The following ITGB6 variants were observed in gnomAD, a reference collection of about 807,000 sequenced individuals.
ITGB6 encodes the protein integrin subunit beta 6.
Under a neutral mutation model 84.5 loss-of-function variants are expected in ITGB6, and 80 were observed. The ratio of observed to expected loss-of-function variants is 0.95; its 90% CI spans 0.79 to 1.14. ITGB6 has a LOEUF of 1.14. Ranked by LOEUF, ITGB6 falls within the 50% of genes most tolerant of loss-of-function variation. The probability of loss-of-function intolerance (pLI) is 0.00; values close to 1 mark genes in which losing one functional copy is unlikely to be tolerated. For missense variants in ITGB6, 1,006 were observed against 968.0 expected (o/e 1.04, Z -0.52); for synonymous variants, 383 against 354.9 (o/e 1.08, Z -0.89).
At chr2:160,132,241 C>T (rs1367688288) in intron 10 of ITGB6, among the ~76,000 whole-genome samples, 2 of 151,934 alleles carry the variant, frequency 1.3e-5, no homozygotes, top group African/African-American at 2.4e-5. Flanking sequence ...TGGAAACACA[C>T]CTATTAAACC....
At chr2:160,138,991 C>G (rs765735644) in intron 8 of ITGB6, among the ~76,000 whole-genome samples, 6 of 152,058 alleles carry the variant, frequency 3.9e-5, no homozygotes, top group Non-Finnish European at 8.8e-5. Context: ...AGATGGAGCT[C>G]AATTTTAGAG....
rs531058230 is a variant in ITGB6, at chr2:160,143,153, T to C, written c.1018-1082A>G. 5.9e-5 allele frequency among the ~76,000 whole-genome samples: 9 copies of C among 152,120 alleles called. No homozygotes were observed. The East Asian group carries it at 1.7e-3, about 29-fold the overall frequency. The stretch of plus-strand genomic sequence containing the variant: ...AAATACAAAAAGTAGCTTGGTGTGG[T>C]GGCACGCCTGTAGTCCCAGCTACTT... On this transcript the variant is annotated intron_variant, in intron 7 of 14. Coordinates refer to ENST00000283249, the MANE Select transcript of ITGB6 (RefSeq NM_000888.5).
intron 7 of ITGB6, among the ~76,000 whole-genome samples, chr2:160,158,066 G>A (rs1371456890): frequency 1.3e-5 from 2 of 152,174 alleles, no homozygotes. Flanking sequence ...AAAAGAACAT[G>A]TAATTGTTCC....
At chr2:160,140,784 G>A (rs981763078) in intron 8 of ITGB6, among the ~76,000 whole-genome samples, 9 of 152,144 alleles carry the variant, frequency 5.9e-5, no homozygotes, top group Non-Finnish European at 1.2e-4. Flanking sequence ...TAATTTTAAT[G>A]GACACATCTG....
intron 7 of ITGB6, among the ~76,000 whole-genome samples, chr2:160,144,333 G>A (rs1360177766): frequency 2.6e-5 from 4 of 152,192 alleles, no homozygotes; most frequent in African/African-American, 9.7e-5. Flanking sequence ...CCTGATGATG[G>A]AGGACCCCCT....
chr2:160,111,990 C>T (rs1433383981), intron 13 of ITGB6, 90 bp downstream of exon 13: 5 of 1,327,602 alleles, frequency 3.8e-6, no homozygotes. Context: ...AATGTCTTTC[C>T]TGGCATGCTA....
chr2:160,177,305 G>T (rs887803754), intron 4 of ITGB6, among the ~76,000 whole-genome samples: 1 of 151,886 alleles, frequency 6.6e-6, no homozygotes, highest in African/African-American at 2.4e-5. Context: ...TGTGGCTCAC[G>T]CCTGTAATCC....
At chr2:160,117,469 G>A (rs1234912064) in intron 12 of ITGB6, among the ~76,000 whole-genome samples, 5 of 152,262 alleles carry the variant, frequency 3.3e-5, no homozygotes, top group Admixed American at 2.6e-4. Flanking sequence ...AAACCAGCGA[G>A]AACAAAGAAA....
At chr2:160,115,371 C>A (rs185686279) in intron 12 of ITGB6, among the ~76,000 whole-genome samples, 2 of 152,292 alleles carry the variant, frequency 1.3e-5, no homozygotes, top group East Asian at 3.9e-4. Context: ...CACTGTTCTG[C>A]AGCCACCGCT....
At chr2:160,132,768 C>T (rs1431116641) in intron 10 of ITGB6, among the ~76,000 whole-genome samples, 2 of 152,062 alleles carry the variant, frequency 1.3e-5, no homozygotes, top group African/African-American at 4.8e-5. Flanking sequence ...TAGTCATATA[C>T]AATATATCGT....
chr2:160,158,784 C>A (rs1427262915), intron 7 of ITGB6, among the ~76,000 whole-genome samples: 1 of 152,160 alleles, frequency 6.6e-6, no homozygotes, highest in African/African-American at 2.4e-5. Context: ...ACAGCAGCAA[C>A]ATCATCTGGA....
chr2:160,123,406 C>A (rs772944949), intron 12 of ITGB6, among the ~76,000 whole-genome samples: 21 of 152,086 alleles, frequency 1.4e-4, no homozygotes, highest in Non-Finnish European at 2.4e-4. Flanking sequence ...TTTATCTTAT[C>A]TTGAAATAAA....
intron 12 of ITGB6, among the ~76,000 whole-genome samples, chr2:160,117,376 A>ATC (rs1450322667): frequency 9.2e-5 from 14 of 151,872 alleles, no homozygotes; most frequent in Non-Finnish European, 1.8e-4. Context: ...AAAACTGCTC[A>ATC]ACTACATGGA....
chr2:160,147,149 TAAGA>T (rs902196297), intron 7 of ITGB6, among the ~76,000 whole-genome samples: 40 of 133,334 alleles, frequency 3.0e-4, no homozygotes, highest in Admixed American at 2.3e-3. Context: ...AGAAACAAAG[TAAGA>T]AAGAAAGAAA....
intron 7 of ITGB6, among the ~76,000 whole-genome samples, chr2:160,164,696 A>G (rs1295351029): frequency 6.6e-6 from 1 of 152,032 alleles, no homozygotes; most frequent in Non-Finnish European, 1.5e-5. Context: ...ACTCTCTCTC[A>G]AGAAAAAAAA....
At chr2:160,121,527 G>T (rs1008141466) in intron 12 of ITGB6, among the ~76,000 whole-genome samples, 2 of 152,204 alleles carry the variant, frequency 1.3e-5, no homozygotes, top group African/African-American at 4.8e-5. Flanking sequence ...GTGCATGCCT[G>T]TAATCCCAGC....
chr2:160,175,087 G>A (rs552813603), intron 4 of ITGB6, among the ~76,000 whole-genome samples: 2 of 152,322 alleles, frequency 1.3e-5, no homozygotes, highest in East Asian at 1.9e-4. Flanking sequence ...AAGGCATAGC[G>A]CCTGGTGAGG....
chr2:160,171,201 CT>C (rs1418841635), intron 6 of ITGB6, among the ~76,000 whole-genome samples: 3 of 152,108 alleles, frequency 2.0e-5, no homozygotes, highest in African/African-American at 4.8e-5. Flanking sequence ...TTCTCTCCCC[CT>C]GCACCCCCAC....
chr2:160,173,198 C>T (rs72994789), intron 5 of ITGB6, among the ~76,000 whole-genome samples: 1,646 of 152,228 alleles, frequency 0.011, 32 homozygotes, highest in African/African-American at 0.038. Context: ...TGATGTCATC[C>T]AAAAATTATG....
Sources: allele counts gnomAD v4.1 joint callset (sites outside exome capture counted in the v4.1 genomes callset), GRCh38; gene constraint gnomAD v4.1.1; transcripts MANE v1.5; gene names NCBI Gene and HGNC (gene_info 2026-07-23, HGNC 2026-07-21).